The following VWDE variants were observed in gnomAD, a reference collection of about 807,000 sequenced individuals.
The protein encoded by VWDE is von Willebrand factor D and EGF domains.
A neutral mutation model predicts 178.4 loss-of-function variants in VWDE; 207 were observed. That is an observed-to-expected ratio of 1.16 (90% confidence interval 1.04 to 1.30). The LOEUF (loss-of-function observed/expected upper bound fraction) is 1.30. Ranked by LOEUF, VWDE falls within the 50% of genes most tolerant of loss-of-function variation. VWDE has a pLI of 0.00. For synonymous variants in VWDE, 738 were observed against 651.4 expected, an observed-to-expected ratio of 1.13 and a Z score of -2.02; for missense variants, 2,287 against 1,901.3, an observed-to-expected ratio of 1.20 and a Z score of -3.77.
chr7:12,389,327 CAG>C lies in VWDE; in HGVS notation c.273_274del (p.Ile91MetfsTer71), dbSNP rs1274289219. ...TGTTTCTGAATCTCTCAGAGACAGC[CAG>C]ATGGGGGCCTGAGTTCCACAATGGT... On this transcript the variant is annotated frameshift_variant, in exon 3 of 29. Coordinates refer to ENST00000275358, the MANE Select transcript of VWDE (RefSeq NM_001135924.3). LOFTEE classifies it high-confidence loss of function. 12 of 1,549,476 alleles carry C rather than the reference CAG, an allele frequency of 7.7e-6. No individual in the cohort carries two copies. In the African/African-American group the frequency reaches 1.2e-4, roughly 16 times the overall value.
chr7:12,354,170 C>T (rs1782096103), intron 18 of VWDE: 1 of 250,192 alleles, frequency 4.0e-6, no homozygotes, highest in African/African-American at 2.3e-5. Flanking sequence ...CTGTTACACT[C>T]TACCTATTAA....
chr7:12,390,989 T>C (rs1470101), intron 2 of VWDE, among the ~76,000 whole-genome samples: 60,642 of 152,048 alleles, frequency 0.4, 12,468 homozygotes, highest in African/African-American at 0.48. Flanking sequence ...TCCACACATA[T>C]GGTGATGGTT....
rs138307912 is a variant in VWDE, at chr7:12,401,904, C to G, written c.58+1755G>C. ...TGGAAACAACTCAAATGTTCATCAACAAATGAATGTACATACAAAATATAG... is the reference window on the plus strand; with the variant it reads ...TGGAAACAACTCAAATGTTCATCAAGAAATGAATGTACATACAAAATATAG... On this transcript the variant is annotated intron_variant, in intron 1 of 28. Coordinates refer to ENST00000275358, the MANE Select transcript of VWDE (RefSeq NM_001135924.3). 6.4e-3 allele frequency among the ~76,000 whole-genome samples: 973 copies of G among 152,164 alleles called. 12 individuals carry two copies. Among genetic ancestry groups the G allele is most frequent in the African/African-American group, 0.022 (899 of 41,512 alleles).
chr7:12,341,955 T>C, intron 23 of VWDE, 104 bp downstream of exon 23: 1 of 796,808 alleles, frequency 1.3e-6, no homozygotes, highest in Non-Finnish European at 2.0e-6. Flanking sequence ...CCTATCTACC[T>C]GTCTTGTCAG....
intron 15 of VWDE, 38 bp downstream of exon 15, chr7:12,361,109 A>G (rs1782550435): frequency 7.9e-7 from 1 of 1,267,012 alleles, no homozygotes; most frequent in Non-Finnish European, 1.1e-6. Context: ...GAAAATACCT[A>G]TGATGTAAAT....
At chr7:12,338,872 C>T (rs1781177643) in intron 24 of VWDE, among the ~76,000 whole-genome samples, 1 of 152,110 alleles carries the variant, frequency 6.6e-6, no homozygotes, top group Non-Finnish European at 1.5e-5. Context: ...AGCTCAATTT[C>T]TATCTTCCTC....
chr7:12,349,710 T>C lies in VWDE; in HGVS notation c.3886+1863A>G, dbSNP rs551769027. Among the ~76,000 whole-genome samples, 232 of 151,968 alleles carry C rather than the reference T, an allele frequency of 1.5e-3. 1 individual carries two copies. The highest frequency in any genetic ancestry group is 5.4e-3 in the African/African-American group (223 of 41,496). On this transcript the variant is annotated intron_variant, in intron 19 of 28. Transcript: ENST00000275358. ...ATATCAATTAGCACAAAAACAAATC[T>C]AAATGATTATTTGAAAAAAGAAACC... is the stretch of plus-strand genomic sequence containing the variant.
At chr7:12,358,387 TG>T (rs368179346) in intron 16 of VWDE, among the ~76,000 whole-genome samples, 5 of 135,048 alleles carry the variant, frequency 3.7e-5, no homozygotes, top group East Asian at 2.1e-4. Flanking sequence ...AAATAAAAGG[TG>T]GGGGGGGCTA....
intron 19 of VWDE, among the ~76,000 whole-genome samples, chr7:12,344,819 T>C (rs1000867254): frequency 6.6e-6 from 1 of 152,122 alleles, no homozygotes; most frequent in Non-Finnish European, 1.5e-5. Context: ...CTTGCTGTAA[T>C]CTCGAAAGAG....
At position 12,369,837 on chromosome 7, in the gene VWDE, A is replaced by G. The variant is rs1201573783; in HGVS notation, c.2469T>C (p.Cys823=). Residue 823 remains cysteine (C), a synonymous_variant, in exon 12 of 29, where the codon TGT becomes TGC. Coordinates refer to ENST00000275358, the MANE Select transcript of VWDE (RefSeq NM_001135924.3). ...CTAATCTCTTGCCAAGAAAAGCAAGACACAGCCTTCCTATGCTGGAGTTGG... is the reference window on the plus strand; with the variant it reads ...CTAATCTCTTGCCAAGAAAAGCAAGGCACAGCCTTCCTATGCTGGAGTTGG... The part of the protein sequence containing the change: ...TLANSSIGRL[C]LAFLGKRLDS... 3 of 1,551,544 alleles carry G rather than the reference A, an allele frequency of 1.9e-6. 1 individual carries two copies. In the South Asian group the frequency reaches 3.6e-5, roughly 18 times the overall value.
Position 12,374,708 on chromosome 7 carries a change from T to C in VWDE, c.1297A>G (p.Ile433Val). ...AATTACCTGCCATCAAATGTAATTA[T>C]ATGTGGGTCAGTAAATGTATAGCAG... Reference protein sequence around the residue: ...AYCYTFTDPHIITFDGRVYDN... With the variant: ...AYCYTFTDPHVITFDGRVYDN... Residue 433 changes from isoleucine (I) to valine (V), a missense_variant, in exon 9 of 29, where the codon ATA becomes GTA. Physicochemically the swap from Ile to Val is conservative, Grantham distance 29. Transcript: ENST00000275358. The C allele has an allele frequency of 1.3e-6, 2 of 1,538,168 alleles. No individual in the cohort carries two copies. Among genetic ancestry groups the C allele is most frequent in the Non-Finnish European group, 8.8e-7 (1 of 1,142,056 alleles).
At chr7:12,378,005 G>C in intron 6 of VWDE, 85 bp from the exon 7 acceptor site, 1 of 1,010,618 alleles carries the variant, frequency 9.9e-7, no homozygotes, top group East Asian at 3.0e-5. Flanking sequence ...TTTCTCAACA[G>C]CACATATTTT....
chr7:12,386,269 T>C (rs1029197706), intron 3 of VWDE, among the ~76,000 whole-genome samples: 2 of 152,108 alleles, frequency 1.3e-5, no homozygotes, highest in Admixed American at 6.6e-5. Context: ...CCCAATGAGA[T>C]TGATGCATCT....
chr7:12,338,650 T>C (rs896396323), intron 24 of VWDE, among the ~76,000 whole-genome samples: 2 of 151,984 alleles, frequency 1.3e-5, no homozygotes, highest in East Asian at 3.9e-4. Flanking sequence ...GAAAACGAGG[T>C]TTATGAGAAA....
At chr7:12,361,642 C>A in intron 13 of VWDE, 121 bp from the exon 14 acceptor site, 2 of 904,478 alleles carry the variant, frequency 2.2e-6, no homozygotes, top group Non-Finnish European at 3.1e-6. Context: ...TAATATATAA[C>A]AGGGAAACAA....
chr7:12,348,544 T>C (rs2128549090), intron 19 of VWDE, among the ~76,000 whole-genome samples: 1 of 150,874 alleles, frequency 6.6e-6, no homozygotes, highest in South Asian at 2.1e-4. Flanking sequence ...TCACACCAGT[T>C]AGAATGGCAA....
chr7:12,388,658 TC>T (rs1362162189), intron 3 of VWDE: 1 of 210,676 alleles, frequency 4.7e-6, no homozygotes, highest in African/African-American at 2.3e-5. Flanking sequence ...AATGTAAGTT[TC>T]ATGAAGGCAG....
At chr7:12,392,357 T>C (rs1252131666) in intron 2 of VWDE, among the ~76,000 whole-genome samples, 4 of 152,216 alleles carry the variant, frequency 2.6e-5, no homozygotes, top group African/African-American at 9.6e-5. Flanking sequence ...ATGGGCTTAG[T>C]GTTTTGACAG....
At chr7:12,397,920 C>G (rs848001) in intron 1 of VWDE, among the ~76,000 whole-genome samples, 38,406 of 151,972 alleles carry the variant, frequency 0.25, 5,632 homozygotes, top group African/African-American at 0.41. Context: ...ACAGATGTCA[C>G]TGACGCTGTG....
Sources: allele counts gnomAD v4.1 joint callset (sites outside exome capture counted in the v4.1 genomes callset), GRCh38; gene constraint gnomAD v4.1.1; transcripts MANE v1.5; gene names NCBI Gene and HGNC (gene_info 2026-07-23, HGNC 2026-07-21).